The following CADM1 variants were observed in gnomAD, a reference collection of about 807,000 sequenced individuals.
The protein encoded by CADM1 is TSLC-1.
A neutral mutation model predicts 53.1 loss-of-function variants in CADM1; 15 were observed. That is an observed-to-expected ratio of 0.28 (90% confidence interval 0.19 to 0.44). The LOEUF (loss-of-function observed/expected upper bound fraction) is 0.44. Ranked by LOEUF, CADM1 falls within the 20% of genes least tolerant of loss-of-function variation. The probability of loss-of-function intolerance (pLI) is 1.00; values close to 1 mark genes in which losing one functional copy is unlikely to be tolerated. For missense variants in CADM1, 434 were observed against 611.3 expected, an observed-to-expected ratio of 0.71 and a Z score of 3.06; for synonymous variants, 281 against 243.0, an observed-to-expected ratio of 1.16 and a Z score of -1.45.
At position 115,169,801 on chromosome 11, in the gene CADM1, C is replaced by T. The variant is rs999427850; in HGVS notation, c.*6673G>A. 3.3e-6 allele frequency: 1 copy of T among 303,610 alleles called. No individual in the cohort carries two copies. The highest frequency in any genetic ancestry group is 6.6e-6 in the Non-Finnish European group (1 of 151,680). The allele number at this position is 303,610 out of a possible 1,614,324, so 18.8% of individuals were successfully genotyped here. A position where few individuals can be genotyped will look rare whatever the true frequency, so the allele number is the denominator to read the frequency against. Reference sequence around the variant, plus strand: ...AGCTAGACTTGCACTTGCCAGCATCCATTGCAGGTTTAAACGATGAAATAC... The same window carrying T: ...AGCTAGACTTGCACTTGCCAGCATCTATTGCAGGTTTAAACGATGAAATAC... On this transcript the variant is annotated 3_prime_UTR_variant, in exon 12 of 12. Transcript: ENST00000331581.
chr11:115,355,637 A>G (rs553269337), intron 1 of CADM1, among the ~76,000 whole-genome samples: 1 of 152,168 alleles, frequency 6.6e-6, no homozygotes, highest in Admixed American at 6.6e-5. Context: ...AAAAAGAGAG[A>G]GAGATCAAGT....
intron 1 of CADM1, among the ~76,000 whole-genome samples, chr11:115,487,123 T>C (rs1049791798): frequency 2.0e-5 from 3 of 152,232 alleles, no homozygotes; most frequent in Non-Finnish European, 4.4e-5. Context: ...TGTTTGGAAA[T>C]TGAAAGATTC....
At position 115,387,279 on chromosome 11, in the gene CADM1, A is replaced by T. The variant is rs189874593; in HGVS notation, c.124+116992T>A. Among the ~76,000 whole-genome samples, 170 of 152,332 alleles carry T rather than the reference A, an allele frequency of 1.1e-3. 1 individual carries two copies. Among genetic ancestry groups the T allele is most frequent in the Non-Finnish European group, 2.0e-3 (137 of 68,020 alleles). On this transcript the variant is annotated intron_variant, in intron 1 of 11. Transcript: ENST00000331581. The stretch of plus-strand genomic sequence containing the variant: ...AACTTCTAGCAGTAATACATGTCTC[A>T]GTATACCTTTATACAGAGTTTTGAA...
At chr11:115,292,902 C>T (rs1675180845) in intron 1 of CADM1, among the ~76,000 whole-genome samples, 1 of 152,156 alleles carries the variant, frequency 6.6e-6, no homozygotes, top group Non-Finnish European at 1.5e-5. Context: ...ATTTAGGAGA[C>T]AAGGACGCCC....
At chr11:115,429,891 G>A (rs1045372486) in intron 1 of CADM1, among the ~76,000 whole-genome samples, 1 of 152,184 alleles carries the variant, frequency 6.6e-6, no homozygotes, top group Non-Finnish European at 1.5e-5. Context: ...ACCCGGAGCA[G>A]TGTCTGGCAT....
rs536779380 is a variant in CADM1, at chr11:115,219,656, G to T, written c.722-1665C>A. Among the ~76,000 whole-genome samples the T allele has an allele frequency of 2.2e-3, 331 of 152,246 alleles. 1 individual carries two copies. Among genetic ancestry groups the T allele is most frequent in the Middle Eastern group, 0.017 (5 of 294 alleles). ...GGAAGGTAGTCATTAAAGAAAAGCA[G>T]AAATGCTTGTAAAGGATAAACAGGA... On this transcript the variant is annotated intron_variant, in intron 5 of 11. Coordinates refer to ENST00000331581, the MANE Select transcript of CADM1 (RefSeq NM_001301043.2).
intron 1 of CADM1, among the ~76,000 whole-genome samples, chr11:115,428,465 GAATTT>G (rs1947954772): frequency 6.6e-6 from 1 of 151,918 alleles, no homozygotes; most frequent in African/African-American, 2.4e-5. Flanking sequence ...TGCATCTGGT[GAATTT>G]TTTTTTAAGA....
chr11:115,193,671 C>A (rs1049172373), intron 9 of CADM1, among the ~76,000 whole-genome samples: 7 of 151,810 alleles, frequency 4.6e-5, no homozygotes, highest in Non-Finnish European at 1.0e-4. Context: ...AGGTCAAATA[C>A]GATTTAAATG....
At chr11:115,445,855 CGA>C in intron 1 of CADM1, 3 of 420,168 alleles carry the variant, frequency 7.1e-6, no homozygotes, top group South Asian at 1.7e-5. Flanking sequence ...AAAGAAAAAA[CGA>C]GAGAGAGAGG....
rs71066424 is a variant in CADM1, at chr11:115,413,644, C to CTTTT, written c.124+90623_124+90626dup. Among the ~76,000 whole-genome samples, 28 of 120,916 alleles carry CTTTT rather than the reference C, an allele frequency of 2.3e-4. 2 individuals are homozygous for CTTTT. Among genetic ancestry groups the CTTTT allele is most frequent in the Non-Finnish European group, 3.9e-4 (22 of 56,088 alleles). 79.3% of individuals were successfully genotyped at this position (120,916 alleles called of 152,430 possible). On this transcript the variant is annotated intron_variant, in intron 1 of 11. Coordinates refer to ENST00000331581, the MANE Select transcript of CADM1 (RefSeq NM_001301043.2). ...CAGGGAGTGTGGCTCCAGCTCAGTT[C>CTTTT]TTTTTTTTTTTTTTCTCTGAGACAG...
Position 115,175,030 on chromosome 11 carries a change from C to G in CADM1, c.*1444G>C. 1 of 985,844 alleles carries G rather than the reference C, an allele frequency of 1.0e-6. No individual in the cohort carries two copies. Among genetic ancestry groups the G allele is most frequent in the Non-Finnish European group, 1.2e-6 (1 of 829,934 alleles). The allele number at this position is 985,844 out of a possible 1,614,324, so 61.1% of individuals were successfully genotyped here. ...ACTATGGCTGCCATCATGCGAGGAT[C>G]AGTAATTTTTGGCAGATGGTTCTTA... On this transcript the variant is annotated 3_prime_UTR_variant, in exon 12 of 12. Transcript: ENST00000331581.
intron 1 of CADM1, among the ~76,000 whole-genome samples, chr11:115,358,349 G>A (rs1027917819): frequency 4.7e-4 from 72 of 152,160 alleles, no homozygotes; most frequent in African/African-American, 1.7e-3. Flanking sequence ...GCCTCACGTG[G>A]CTGAGGAGGC....
intron 7 of CADM1, among the ~76,000 whole-genome samples, chr11:115,212,853 G>T (rs2134750432): frequency 6.6e-6 from 1 of 152,310 alleles, no homozygotes; most frequent in Non-Finnish European, 1.5e-5. Flanking sequence ...GATTAAAGGA[G>T]ACCATGCTTG....
intron 1 of CADM1, among the ~76,000 whole-genome samples, chr11:115,414,093 T>C (rs1947531377): frequency 6.6e-6 from 1 of 152,158 alleles, no homozygotes. Flanking sequence ...CAATTGTTAA[T>C]CTGTTAACTA....
intron 9 of CADM1, among the ~76,000 whole-genome samples, chr11:115,197,674 C>T (rs1298880715): frequency 6.6e-6 from 1 of 152,106 alleles, no homozygotes; most frequent in Admixed American, 6.5e-5. Flanking sequence ...TGGTTAAAAA[C>T]GTATTACTAT....
intron 1 of CADM1, among the ~76,000 whole-genome samples, chr11:115,351,659 A>G (rs1349848858): frequency 1.3e-5 from 2 of 152,186 alleles, no homozygotes; most frequent in African/African-American, 4.8e-5. Flanking sequence ...AATTCTCCAG[A>G]TATGTAAAAT....
chr11:115,252,187 T>G (rs1027587404), intron 1 of CADM1, among the ~76,000 whole-genome samples: 2 of 152,206 alleles, frequency 1.3e-5, no homozygotes, highest in Non-Finnish European at 2.9e-5. Context: ...ACCTCTGAAA[T>G]TCTGAATGTT....
At chr11:115,335,502 A>G (rs1006671672) in intron 1 of CADM1, among the ~76,000 whole-genome samples, 5 of 152,180 alleles carry the variant, frequency 3.3e-5, no homozygotes, top group South Asian at 2.1e-4. Flanking sequence ...GTCTTTTCAG[A>G]TAATTATGGT....
intron 1 of CADM1, among the ~76,000 whole-genome samples, chr11:115,345,805 C>A (rs1185703590): frequency 1.3e-5 from 2 of 152,156 alleles, no homozygotes; most frequent in Admixed American, 6.6e-5. Flanking sequence ...CTTCCAAGGA[C>A]CCTCTTGCTC....
Sources: gnomAD v4.1 joint callset for allele counts (sites outside exome capture counted in the v4.1 genomes callset) on GRCh38, gnomAD v4.1.1 for gene constraint, MANE v1.5 for transcripts, NCBI Gene and HGNC (gene_info 2026-07-23, HGNC 2026-07-21) for gene names.